MYO9A: variants seen among roughly 807,000 people sequenced by gnomAD.
MYO9A encodes the protein unconventional myosin-IXa.
Under a neutral mutation model 293.3 loss-of-function variants are expected in MYO9A, and 103 were observed. That is an observed-to-expected ratio of 0.35 (90% CI 0.30 to 0.41). The LOEUF is 0.41. MYO9A is among the 10% of genes least tolerant of loss of function. MYO9A has a pLI of 1.00. For missense variants in MYO9A, 2,685 were observed against 3,033.0 expected, an observed-to-expected ratio of 0.89 and a Z score of 2.69; for synonymous variants, 1,001 against 1,035.7, an observed-to-expected ratio of 0.97 and a Z score of 0.64.
intron 1 of MYO9A, among the ~76,000 whole-genome samples, chr15:72,113,820 G>A (rs2080869671): frequency 6.6e-6 from 1 of 152,168 alleles, no homozygotes; most frequent in Non-Finnish European, 1.5e-5. Context: ...GAGAAAAAGA[G>A]CTGAGCCAAA....
chr15:72,064,502 G>T (rs1441494634), intron 1 of MYO9A, among the ~76,000 whole-genome samples: 1 of 152,122 alleles, frequency 6.6e-6, no homozygotes. Context: ...GAGAAGAAGG[G>T]ATTGACTGAA....
In MYO9A at chr15:72,041,061, A is replaced by G. The variant is rs184347485; in HGVS notation, c.840+4663T>C. 344 of 432,644 alleles carry G rather than the reference A, an allele frequency of 8.0e-4. 1 individual carries two copies. Among genetic ancestry groups the G allele is most frequent in the Admixed American group, 1.3e-3 (49 of 36,600 alleles). The allele number at this position is 432,644 out of a possible 1,614,324, so 26.8% of individuals were successfully genotyped here. A position where few individuals can be genotyped will look rare whatever the true frequency, so the allele number is the denominator to read the frequency against. On this transcript the variant is annotated intron_variant, in intron 2 of 41. Transcript: ENST00000356056. ...GGAGCTCAAGACCAGCCTGGGCAAC[A>G]TGGTAAAACTCCATCTCTACAAAAA...
intron 12 of MYO9A, among the ~76,000 whole-genome samples, chr15:71,970,824 C>T (rs2075989880): frequency 6.6e-6 from 1 of 151,954 alleles, no homozygotes; most frequent in African/African-American, 2.4e-5. Flanking sequence ...TATTTATGGC[C>T]ACATGGCTCA....
Position 71,999,744 on chromosome 15 carries a change from AC to A in MYO9A, c.1470+106del, listed in dbSNP as rs760587596. 2.9e-4 allele frequency: 215 copies of A among 740,880 alleles called. 2 individuals carry two copies. Among genetic ancestry groups the A allele is most frequent in the Non-Finnish European group, 5.0e-5 (23 of 464,360 alleles). The allele number at this position is 740,880 out of a possible 1,614,324, so 45.9% of individuals were successfully genotyped here. On this transcript the variant is annotated intron_variant, in intron 9 of 41. Transcript: ENST00000356056. Reference sequence around the variant, plus strand: ...AGGCCTAGAAAATATTTCAATCAAAACTTTTTGCCATTGTCATTTTCATGCT... The same window carrying A: ...AGGCCTAGAAAATATTTCAATCAAAATTTTTGCCATTGTCATTTTCATGCT...
chr15:71,916,331 T>C (rs1210101225), intron 19 of MYO9A, 39 bp downstream of exon 19: 2 of 1,596,402 alleles, frequency 1.3e-6, no homozygotes, highest in Non-Finnish European at 1.7e-6. Context: ...ATCTGAAAGA[T>C]ACAGATTCTT....
chr15:71,935,707 C>A (rs2058621820), intron 16 of MYO9A, among the ~76,000 whole-genome samples: 1 of 152,108 alleles, frequency 6.6e-6, no homozygotes, highest in African/African-American at 2.4e-5. Flanking sequence ...TACAAACGTG[C>A]ATGTAGATGA....
chr15:72,108,034 G>C (rs1286733742), intron 1 of MYO9A, among the ~76,000 whole-genome samples: 1 of 152,020 alleles, frequency 6.6e-6, no homozygotes, highest in Non-Finnish European at 1.5e-5. Flanking sequence ...AAGAATTACA[G>C]AATTAGAAAA....
In MYO9A at chr15:71,823,296, A is replaced by G. The variant is rs2140327648; in HGVS notation, c.*3284T>C. ...GAACCTTGCTGGACCACATCTTTTC[A>G]GCACATTTCTGTGACCCTCTGTTTT... On this transcript the variant is annotated 3_prime_UTR_variant, in exon 42 of 42. Transcript: ENST00000356056. 1 of 152,338 alleles carries G rather than the reference A, an allele frequency of 6.6e-6. No individual in the cohort carries two copies. Among genetic ancestry groups the G allele is most frequent in the South Asian group, 2.1e-4 (1 of 4,826 alleles). 9.4% of individuals were successfully genotyped at this position (152,338 alleles called of 1,614,324 possible).
At chr15:72,034,133 T>C (rs1430452873) in intron 2 of MYO9A, among the ~76,000 whole-genome samples, 1 of 152,226 alleles carries the variant, frequency 6.6e-6, no homozygotes, top group Non-Finnish European at 1.5e-5. Flanking sequence ...TGTACTCAAG[T>C]AGTCGTACTC....
intron 14 of MYO9A, among the ~76,000 whole-genome samples, chr15:71,956,328 A>ATT (rs1555490908): frequency 2.0e-4 from 3 of 15,186 alleles, no homozygotes; most frequent in Non-Finnish European, 5.7e-4. Context: ...AAAAAAAAAA[A>ATT]AAATATATAT....
Position 71,825,815 on chromosome 15 carries a change from G to A in MYO9A, c.*765C>T, listed in dbSNP as rs2054458507. 6.6e-6 allele frequency: 1 copy of A among 152,100 alleles called. No homozygotes were observed. The highest frequency in any genetic ancestry group is 2.4e-5 in the African/African-American group (1 of 41,398). The allele number at this position is 152,100 out of a possible 1,614,324, so 9.4% of individuals were successfully genotyped here. A position where few individuals can be genotyped will look rare whatever the true frequency, so the allele number is the denominator to read the frequency against. ...GGACCAAGAAACATGAGAACAGTATGGCTACTGACACTTCAGCCCATGCAA... is the reference window on the plus strand; with the variant it reads ...GGACCAAGAAACATGAGAACAGTATAGCTACTGACACTTCAGCCCATGCAA... On this transcript the variant is annotated 3_prime_UTR_variant, in exon 42 of 42. Coordinates refer to ENST00000356056, the MANE Select transcript of MYO9A (RefSeq NM_006901.4).
At chr15:71,882,908 G>A (rs1264631797) in intron 28 of MYO9A, among the ~76,000 whole-genome samples, 4 of 152,070 alleles carry the variant, frequency 2.6e-5, no homozygotes, top group African/African-American at 4.8e-5. Flanking sequence ...AGACTCAAGC[G>A]ATTCTCCTAC....
At chr15:71,919,452 AAAAT>A (rs1283751014) in intron 18 of MYO9A, among the ~76,000 whole-genome samples, 3 of 151,946 alleles carry the variant, frequency 2.0e-5, no homozygotes, top group African/African-American at 7.3e-5. Context: ...CAAAAAACAA[AAAAT>A]AAATAAGAGA....
At chr15:72,044,145 GC>G in intron 2 of MYO9A, among the ~76,000 whole-genome samples, 1 of 152,086 alleles carries the variant, frequency 6.6e-6, no homozygotes, top group South Asian at 2.1e-4. Context: ...GATGGCTCAT[GC>G]CTGTAATCCC....
At chr15:71,891,848 T>C (rs935815360) in intron 26 of MYO9A, 2 of 152,096 alleles carry the variant, frequency 1.3e-5, no homozygotes, top group African/African-American at 2.4e-5. Flanking sequence ...TTCTGGACAA[T>C]AGGAGAAATT....
intron 11 of MYO9A, among the ~76,000 whole-genome samples, chr15:71,986,305 T>C (rs2076405805): frequency 6.6e-6 from 1 of 152,172 alleles, no homozygotes; most frequent in Non-Finnish European, 1.5e-5. Flanking sequence ...ATTTTGGTAT[T>C]CTTCAGCAGG....
intron 2 of MYO9A, among the ~76,000 whole-genome samples, chr15:72,038,978 A>C (rs1473102041): frequency 1.3e-5 from 2 of 152,114 alleles, no homozygotes; most frequent in African/African-American, 2.4e-5. Flanking sequence ...GATAGATATA[A>C]GTAGATATAT....
chr15:72,045,654 T>C, intron 2 of MYO9A, 70 bp downstream of exon 2: 6 of 1,460,100 alleles, frequency 4.1e-6, no homozygotes, highest in Non-Finnish European at 5.4e-6. Flanking sequence ...CCTCCAGGAA[T>C]GGTACACCCC....
At chr15:71,993,921 C>T (rs1195455346) in intron 10 of MYO9A, 1 of 141,372 alleles carries the variant, frequency 7.1e-6, no homozygotes, top group Non-Finnish European at 1.5e-5. Context: ...CATGCCACTG[C>T]ACTCCAGCCT....
Sources: allele counts gnomAD v4.1 joint callset (sites outside exome capture counted in the v4.1 genomes callset), GRCh38; gene constraint gnomAD v4.1.1; transcripts MANE v1.5; gene names NCBI Gene and HGNC (gene_info 2026-07-23, HGNC 2026-07-21).